Variants in PCSK2 observed in about 807,000 individuals in gnomAD.
PCSK2 encodes the protein proprotein convertase subtilisin/kexin type 2, also known as neuroendocrine convertase 2.
PCSK2 carries 14 observed loss-of-function variants against 69.7 expected under a neutral mutation model. The ratio of observed to expected loss-of-function variants is 0.20; its 90% CI spans 0.13 to 0.31. The LOEUF (loss-of-function observed/expected upper bound fraction) is 0.31, where lower values mean the gene tolerates loss of function less well. PCSK2 is among the 10% of genes least tolerant of loss of function. The pLI, the probability that PCSK2 is intolerant of heterozygous loss-of-function variation, is 1.00. For missense variants in PCSK2, 544 were observed against 842.5 expected (o/e 0.65, Z 4.39); for synonymous variants, 307 against 320.7 (o/e 0.96, Z 0.46).
chr20:17,237,740 G>A (rs6034779), intron 1 of PCSK2, among the ~76,000 whole-genome samples: 48,672 of 151,940 alleles, frequency 0.32, 8,513 homozygotes, highest in Middle Eastern at 0.47. Context: ...AATACTGGTA[G>A]AGGAGTGGGG....
intron 2 of PCSK2, among the ~76,000 whole-genome samples, chr20:17,346,603 C>A (rs186488904): frequency 6.6e-6 from 1 of 152,178 alleles, no homozygotes; most frequent in South Asian, 2.1e-4. Flanking sequence ...ACTGCACTTA[C>A]ATCTCAGGAG....
chr20:17,375,295 T>A (rs1023131085), intron 5 of PCSK2, among the ~76,000 whole-genome samples: 4 of 152,098 alleles, frequency 2.6e-5, no homozygotes, highest in Admixed American at 6.5e-5. Context: ...AAAGGGCAAC[T>A]GATCCAGGCT....
intron 11 of PCSK2, among the ~76,000 whole-genome samples, chr20:17,476,060 C>T (rs2033283741): frequency 6.6e-6 from 1 of 152,222 alleles, no homozygotes; most frequent in South Asian, 2.1e-4. Flanking sequence ...TGCTTGTCTG[C>T]CTAGAAACCC....
chr20:17,431,994 G>C (rs1488555698), intron 7 of PCSK2, among the ~76,000 whole-genome samples: 1 of 152,144 alleles, frequency 6.6e-6, no homozygotes, highest in East Asian at 1.9e-4. Context: ...TTCGTTACAG[G>C]TTAGGGGGGC....
intron 5 of PCSK2, among the ~76,000 whole-genome samples, chr20:17,407,076 A>T (rs951522290): frequency 3.3e-5 from 5 of 151,882 alleles, no homozygotes; most frequent in Admixed American, 2.6e-4. Flanking sequence ...TCACATCCTC[A>T]CCAACCTCCG....
chr20:17,351,422 C>A (rs1335245547), intron 2 of PCSK2, among the ~76,000 whole-genome samples: 1 of 152,104 alleles, frequency 6.6e-6, no homozygotes, highest in East Asian at 1.9e-4. Context: ...GCCAATATCC[C>A]TGATGAACAT....
rs1285968679 is a variant in PCSK2 at position 17,347,860 on chromosome 20, GAGGAGAGAGAAA to G, written c.283-10465_283-10454del. On this transcript the variant is annotated intron_variant, in intron 2 of 11. Transcript: ENST00000262545. ...AGAAAGAAAGAAAGAAAGAAAGAAA[GAGGAGAGAGAAA>G]AAAGAAAGAAAGAAAGAAAGAAAGA... Among the ~76,000 whole-genome samples the G allele has an allele frequency of 7.5e-3, 658 of 88,320 alleles. 37 individuals are homozygous for G. Among genetic ancestry groups the G allele is most frequent in the Non-Finnish European group, 0.011 (442 of 41,948 alleles). The allele number at this position is 88,320 out of a possible 152,430, so 57.9% of individuals were successfully genotyped here. A position where few individuals can be genotyped will look rare whatever the true frequency, so the allele number is the denominator to read the frequency against.
At chr20:17,274,996 T>G (rs1988008801) in intron 2 of PCSK2, among the ~76,000 whole-genome samples, 1 of 151,584 alleles carries the variant, frequency 6.6e-6, no homozygotes, top group Non-Finnish European at 1.5e-5. Flanking sequence ...TATATTTAAC[T>G]CGTAAACTTG....
chr20:17,227,087 C>T lies in PCSK2; in HGVS notation c.-219C>T, dbSNP rs1162576419. ...AGCTCCCCACATTCGCACCCCTGCCCGCGCGCCGGGCCGCCTGACTGCACG... is the reference window on the plus strand; with the variant it reads ...AGCTCCCCACATTCGCACCCCTGCCTGCGCGCCGGGCCGCCTGACTGCACG... On this transcript the variant is annotated 5_prime_UTR_variant, in exon 1 of 12. Transcript: ENST00000262545. The T allele has an allele frequency of 1.1e-5, 6 of 553,596 alleles. No individual in the cohort carries two copies. Among genetic ancestry groups the T allele is most frequent in the Admixed American group, 3.2e-5 (1 of 31,126 alleles). 34.3% of individuals were successfully genotyped at this position (553,596 alleles called of 1,614,324 possible). A position where few individuals can be genotyped will look rare whatever the true frequency, so the allele number is the denominator to read the frequency against.
chr20:17,326,727 A>T (rs1990064912), intron 2 of PCSK2, among the ~76,000 whole-genome samples: 1 of 152,244 alleles, frequency 6.6e-6, no homozygotes, highest in African/African-American at 2.4e-5. Context: ...TCTTAACCTT[A>T]TTACAGTCTT....
At chr20:17,339,647 C>T (rs941426504) in intron 2 of PCSK2, among the ~76,000 whole-genome samples, 2 of 152,122 alleles carry the variant, frequency 1.3e-5, no homozygotes, top group African/African-American at 4.8e-5. Flanking sequence ...ATTCTCTACA[C>T]TGAAGTGTTT....
chr20:17,384,330 G>A lies in PCSK2; in HGVS notation c.543+15053G>A, dbSNP rs575527316. Among the ~76,000 whole-genome samples the A allele has an allele frequency of 2.0e-5, 3 of 150,692 alleles. No individual in the cohort carries two copies. The East Asian group carries it at 5.9e-4, about 30-fold the overall frequency. On this transcript the variant is annotated intron_variant, in intron 5 of 11. Coordinates refer to ENST00000262545, the MANE Select transcript of PCSK2 (RefSeq NM_002594.5). The stretch of plus-strand genomic sequence containing the variant: ...AGGCCAGGCCTGGTGGCTCACACCT[G>A]TAATCCCAGCACTTTGGGAGGCCGA...
chr20:17,229,445 G>A (rs1010924334), intron 1 of PCSK2, among the ~76,000 whole-genome samples: 1 of 148,940 alleles, frequency 6.7e-6, no homozygotes, highest in African/African-American at 2.5e-5. Context: ...GCGGGGGAGT[G>A]GGAGGGAGCC....
chr20:17,321,391 C>T (rs986290041), intron 2 of PCSK2, among the ~76,000 whole-genome samples: 6 of 152,372 alleles, frequency 3.9e-5, no homozygotes, highest in Middle Eastern at 3.4e-3. Flanking sequence ...CAATACTCTC[C>T]TCACTGCTGA....
At chr20:17,295,253 A>G (rs1308573270) in intron 2 of PCSK2, among the ~76,000 whole-genome samples, 1 of 150,790 alleles carries the variant, frequency 6.6e-6, no homozygotes, top group African/African-American at 2.5e-5. Context: ...CACCTCTCTC[A>G]AGAGTTTAAT....
At chr20:17,325,544 A>G (rs1480745306) in intron 2 of PCSK2, among the ~76,000 whole-genome samples, 1 of 152,198 alleles carries the variant, frequency 6.6e-6, no homozygotes, top group African/African-American at 2.4e-5. Flanking sequence ...CATCTACTCA[A>G]TGGTAGGTCA....
At chr20:17,436,123 C>T (rs1301599056) in intron 7 of PCSK2, among the ~76,000 whole-genome samples, 3 of 152,194 alleles carry the variant, frequency 2.0e-5, no homozygotes, top group Non-Finnish European at 4.4e-5. Flanking sequence ...CACAGAATTA[C>T]TAATACAGTT....
At chr20:17,299,360 G>T (rs1388872039) in intron 2 of PCSK2, among the ~76,000 whole-genome samples, 1 of 151,950 alleles carries the variant, frequency 6.6e-6, no homozygotes, top group South Asian at 2.1e-4. Context: ...TTTATGTCTT[G>T]TTTCATCAAA....
intron 5 of PCSK2, among the ~76,000 whole-genome samples, chr20:17,392,358 A>G (rs1258208802): frequency 1.3e-5 from 2 of 152,224 alleles, no homozygotes; most frequent in East Asian, 3.8e-4. Context: ...AAGAATTAGT[A>G]CATTCCAAAG....
Sources: allele counts gnomAD v4.1 joint callset (sites outside exome capture counted in the v4.1 genomes callset), GRCh38; gene constraint gnomAD v4.1.1; transcripts MANE v1.5; gene names NCBI Gene and HGNC (gene_info 2026-07-23, HGNC 2026-07-21).